The following GNA12 variants were observed in gnomAD, a reference collection of about 807,000 sequenced individuals.
GNA12 encodes G protein subunit alpha 12, also known as guanine nucleotide-binding protein subunit alpha-12.
In GNA12, 9 loss-of-function variants were observed where a neutral mutation model predicts 26.0. That is an observed-to-expected ratio of 0.35 (90% confidence interval 0.21 to 0.60). The LOEUF (loss-of-function observed/expected upper bound fraction) is 0.60. GNA12 is among the 20% of genes least tolerant of loss of function. The pLI is 0.78. For synonymous variants in GNA12, 264 were observed against 219.6 expected, an observed-to-expected ratio of 1.20 and a Z score of -1.79; for missense variants, 405 against 525.8, an observed-to-expected ratio of 0.77 and a Z score of 2.25.
intron 2 of GNA12, among the ~76,000 whole-genome samples, chr7:2,753,776 G>T (rs973735819): frequency 6.6e-6 from 1 of 151,970 alleles, no homozygotes; most frequent in African/African-American, 2.4e-5. Flanking sequence ...TTTTAATGCT[G>T]AATTTACTCC....
rs148631157 is a variant in GNA12 at position 2,802,932 on chromosome 7, C to T, written c.310-7789G>A. On this transcript the variant is annotated intron_variant, in intron 1 of 3. Transcript: ENST00000275364. ...CATCAGAGCCTCTGCCATTTCACAG[C>T]GCAGCCCTGGCCCCACCATAACTCC... 9.6e-3 allele frequency among the ~76,000 whole-genome samples: 1,457 copies of T among 152,278 alleles called. 10 individuals carry two copies. Among genetic ancestry groups the T allele is most frequent in the Middle Eastern group, 0.075 (22 of 294 alleles).
At chr7:2,836,794 C>A (rs533091458) in intron 1 of GNA12, among the ~76,000 whole-genome samples, 6 of 152,110 alleles carry the variant, frequency 3.9e-5, no homozygotes, top group African/African-American at 1.4e-4. Flanking sequence ...CATGGTGGTG[C>A]GTGCCTGTAG....
rs191958719 is a variant in GNA12, at chr7:2,818,521, G to T, written c.310-23378C>A. 9.9e-3 allele frequency among the ~76,000 whole-genome samples: 1,507 copies of T among 152,322 alleles called. 12 individuals carry two copies. Among genetic ancestry groups the T allele is most frequent in the Middle Eastern group, 0.075 (22 of 294 alleles). ...CTCATGCCTGTAATCCCAGCACTTT[G>T]GGAGGCCAAGGCACACAGATTGCCT... On this transcript the variant is annotated intron_variant, in intron 1 of 3. Transcript: ENST00000275364.
intron 3 of GNA12, among the ~76,000 whole-genome samples, chr7:2,733,218 TCTGTCTGTCTCCTTTA>T (rs1292072609): frequency 6.6e-6 from 1 of 151,910 alleles, no homozygotes; most frequent in African/African-American, 2.4e-5. Context: ...CATGAACTCC[TCTGTCTGTCTCCTTTA>T]TGGTGATCTG....
intron 1 of GNA12, chr7:2,814,497 CA>C: frequency 3.9e-6 from 3 of 778,404 alleles, no homozygotes; most frequent in Non-Finnish European, 6.7e-6. Context: ...AAATCAAAGA[CA>C]CAAACCAAGA....
chr7:2,765,032 A>G (rs1202656925), intron 2 of GNA12: 2 of 152,250 alleles, frequency 1.3e-5, no homozygotes, highest in East Asian at 3.8e-4. Context: ...AAAGGAAAGG[A>G]AGCATAATCT....
intron 2 of GNA12, among the ~76,000 whole-genome samples, chr7:2,756,164 T>C (rs1193837001): frequency 2.0e-5 from 3 of 152,062 alleles, no homozygotes; most frequent in African/African-American, 4.8e-5. Context: ...GGCCAATTGA[T>C]TTATAAAAAA....
intron 2 of GNA12, among the ~76,000 whole-genome samples, chr7:2,737,348 G>C (rs1306508801): frequency 2.9e-5 from 4 of 137,700 alleles, no homozygotes; most frequent in East Asian, 2.2e-4. Flanking sequence ...GAGTGCAGTG[G>C]TGTGATCTTG....
At chr7:2,764,280 A>T (rs1335590269) in intron 2 of GNA12, among the ~76,000 whole-genome samples, 3 of 147,156 alleles carry the variant, frequency 2.0e-5, no homozygotes, top group Non-Finnish European at 4.5e-5. Flanking sequence ...ATGGGATCTC[A>T]CTATGTTGCC....
chr7:2,779,048 T>C lies in GNA12; in HGVS notation c.525+15880A>G, dbSNP rs146544999. On this transcript the variant is annotated intron_variant, in intron 2 of 3. Coordinates refer to ENST00000275364, the MANE Select transcript of GNA12 (RefSeq NM_007353.3). The stretch of plus-strand genomic sequence containing the variant: ...AAGACTGCTTCACAGTGAGACTATC[T>C]CTACAAAAAATAAAATTAAATTAGC... 2.7e-3 allele frequency among the ~76,000 whole-genome samples: 408 copies of C among 152,220 alleles called. 1 individual carries two copies. Among genetic ancestry groups the C allele is most frequent in the Non-Finnish European group, 4.2e-3 (284 of 68,022 alleles).
chr7:2,814,843 G>T (rs1489072883), intron 1 of GNA12: 1 of 1,589,544 alleles, frequency 6.3e-7, no homozygotes, highest in South Asian at 1.1e-5. Context: ...ACAGCACCGG[G>T]TGTGCACTGC....
chr7:2,802,733 A>T (rs983375670), intron 1 of GNA12, among the ~76,000 whole-genome samples: 1 of 152,232 alleles, frequency 6.6e-6, no homozygotes, highest in Admixed American at 6.5e-5. Context: ...GCCACCATCC[A>T]AATAAAAGAA....
chr7:2,803,780 T>C (rs1375134905), intron 1 of GNA12, among the ~76,000 whole-genome samples: 1 of 151,580 alleles, frequency 6.6e-6, no homozygotes, highest in Non-Finnish European at 1.5e-5. Flanking sequence ...TTGAAAAGGT[T>C]TTCCTAAAAG....
chr7:2,771,468 T>C lies in GNA12; in HGVS notation c.525+23460A>G, dbSNP rs571868292. On this transcript the variant is annotated intron_variant, in intron 2 of 3. Coordinates refer to ENST00000275364, the MANE Select transcript of GNA12 (RefSeq NM_007353.3). ...AGCCCTTCCCCTCCCCTGCACTCCC[T>C]TCCTGCCCAGGCAACCCGTGGTCGG... Among the ~76,000 whole-genome samples, 4 of 152,286 alleles carry C rather than the reference T, an allele frequency of 2.6e-5. No homozygotes were observed. In the East Asian group the frequency reaches 7.7e-4, roughly 29 times the overall value.
chr7:2,740,897 T>C (rs1790464761), intron 2 of GNA12, among the ~76,000 whole-genome samples: 1 of 151,978 alleles, frequency 6.6e-6, no homozygotes. Flanking sequence ...ACAAAAAAAT[T>C]AGTCGGGCGT....
chr7:2,748,707 A>G (rs1296600126), intron 2 of GNA12, among the ~76,000 whole-genome samples: 2 of 152,254 alleles, frequency 1.3e-5, no homozygotes, highest in Non-Finnish European at 2.9e-5. Context: ...AGAAACTACC[A>G]TCAGCATGAA....
intron 2 of GNA12, among the ~76,000 whole-genome samples, chr7:2,786,807 T>C (rs1228118940): frequency 6.6e-6 from 1 of 152,178 alleles, no homozygotes; most frequent in East Asian, 1.9e-4. Context: ...CCATTCAAGA[T>C]GGCGACTCTG....
chr7:2,770,513 C>G (rs1283223983), intron 2 of GNA12, among the ~76,000 whole-genome samples: 1 of 151,976 alleles, frequency 6.6e-6, no homozygotes, highest in Non-Finnish European at 1.5e-5. Flanking sequence ...CTCAGCTACC[C>G]AGGAGGCTGA....
At chr7:2,810,839 C>G (rs549580453) in intron 1 of GNA12, among the ~76,000 whole-genome samples, 1 of 151,524 alleles carries the variant, frequency 6.6e-6, no homozygotes, top group Non-Finnish European at 1.5e-5. Flanking sequence ...CAAAGGTTGC[C>G]GTGAGCCATG....
Sources: gnomAD v4.1 joint callset for allele counts (sites outside exome capture counted in the v4.1 genomes callset) on GRCh38, gnomAD v4.1.1 for gene constraint, MANE v1.5 for transcripts, NCBI Gene and HGNC (gene_info 2026-07-23, HGNC 2026-07-21) for gene names.